Variants in CDH13 observed in about 807,000 individuals in gnomAD.
CDH13 encodes the protein cadherin 13.
CDH13 carries 24 observed loss-of-function variants against 63.8 expected under a neutral mutation model. The observed-to-expected ratio is 0.38, with a 90% CI of 0.27 to 0.53. The LOEUF is 0.53. Ranked by LOEUF, CDH13 falls within the 20% of genes least tolerant of loss-of-function variation. The pLI is 0.85. For synonymous variants in CDH13, 503 were observed against 355.3 expected (o/e 1.42, Z -4.67); for missense variants, 1,049 against 903.1 (o/e 1.16, Z -2.07).
chr16:83,402,624 C>G (rs1430338653), intron 6 of CDH13, among the ~76,000 whole-genome samples: 1 of 152,210 alleles, frequency 6.6e-6, no homozygotes, highest in Non-Finnish European at 1.5e-5. Flanking sequence ...ACTCACTGTT[C>G]TCATTGATAA....
intron 10 of CDH13, among the ~76,000 whole-genome samples, chr16:83,730,174 ATTGAAGGAG>A (rs1349977681): frequency 5.9e-5 from 9 of 152,352 alleles, no homozygotes; most frequent in African/African-American, 1.9e-4. Flanking sequence ...TATAGTAAAC[ATTGAAGGAG>A]AAAATATAAT....
At chr16:83,490,009 CCACACACA>C (rs10666213) in intron 7 of CDH13, among the ~76,000 whole-genome samples, 58 of 137,380 alleles carry the variant, frequency 4.2e-4, no homozygotes, top group East Asian at 2.2e-3. Context: ...GCTGCAGAAA[CCACACACA>C]CACACACACA....
At chr16:82,773,803 A>G (rs998942488) in intron 1 of CDH13, among the ~76,000 whole-genome samples, 1 of 136,154 alleles carries the variant, frequency 7.3e-6, no homozygotes, top group African/African-American at 2.6e-5. Context: ...TTTTTTTTTT[A>G]AATGGAGTTT....
chr16:83,646,702 A>ACACAC (rs1403125359), intron 8 of CDH13, among the ~76,000 whole-genome samples: 2 of 58,684 alleles, frequency 3.4e-5, no homozygotes, highest in African/African-American at 1.4e-4. Flanking sequence ...CAAAAAAAAA[A>ACACAC]AAAAAAAAAA....
At chr16:82,855,378 C>T (rs1715196248) in intron 1 of CDH13, among the ~76,000 whole-genome samples, 1 of 152,180 alleles carries the variant, frequency 6.6e-6, no homozygotes, top group Non-Finnish European at 1.5e-5. Flanking sequence ...GGAGAAATTT[C>T]ACCTTCTTTA....
chr16:82,876,801 T>C lies in CDH13; in HGVS notation c.157+18328T>C, dbSNP rs1310048472. Among the ~76,000 whole-genome samples, 3 of 152,352 alleles carry C rather than the reference T, an allele frequency of 2.0e-5. No homozygotes were observed. In the East Asian group the frequency reaches 5.8e-4, roughly 29 times the overall value. The stretch of plus-strand genomic sequence containing the variant: ...GAAGCCCATTCCCTAAACTAGGGAC[T>C]GTAAACAAACAAAAATCAGAAGCAT... On this transcript the variant is annotated intron_variant, in intron 2 of 13. Transcript: ENST00000567109.
At chr16:83,051,185 C>A (rs1159725410) in intron 3 of CDH13, among the ~76,000 whole-genome samples, 3 of 152,206 alleles carry the variant, frequency 2.0e-5, no homozygotes, top group Non-Finnish European at 4.4e-5. Context: ...TACTGAGCCA[C>A]AACGAAATGA....
intron 8 of CDH13, among the ~76,000 whole-genome samples, chr16:83,608,995 A>G (rs187966829): frequency 1.3e-5 from 2 of 152,180 alleles, no homozygotes; most frequent in Admixed American, 6.5e-5. Flanking sequence ...GTTGATAGAA[A>G]TTTTCTCTGT....
chr16:82,856,262 C>G (rs286683), intron 1 of CDH13, among the ~76,000 whole-genome samples: 137,348 of 151,096 alleles, frequency 0.91, 62,935 homozygotes, highest in Non-Finnish European at 0.97. Flanking sequence ...TGTAGTCCCA[C>G]TTACTCGGGA....
chr16:82,805,897 C>T (rs1006329814), intron 1 of CDH13, among the ~76,000 whole-genome samples: 1 of 152,210 alleles, frequency 6.6e-6, no homozygotes, highest in African/African-American at 2.4e-5. Context: ...TGTCTTTTAA[C>T]ATGGTACGCA....
chr16:83,297,209 A>G (rs2151871723), intron 5 of CDH13, among the ~76,000 whole-genome samples: 1 of 152,282 alleles, frequency 6.6e-6, no homozygotes, highest in African/African-American at 2.4e-5. Context: ...TGTATCTGAA[A>G]ATAGCTAGAA....
At chr16:82,807,575 T>TG (rs200466646) in intron 1 of CDH13, among the ~76,000 whole-genome samples, 1 of 33,852 alleles carries the variant, frequency 3.0e-5, no homozygotes, top group African/African-American at 3.2e-5. Context: ...TCTTGATCTC[T>TG]GGGCTAAGGA....
intron 2 of CDH13, among the ~76,000 whole-genome samples, chr16:82,921,590 A>G (rs752271285): frequency 5.3e-5 from 8 of 152,196 alleles, no homozygotes; most frequent in Non-Finnish European, 1.2e-4. Context: ...AGGGCTCAGG[A>G]TCTGACATCT....
chr16:83,210,820 G>C (rs556008712), intron 4 of CDH13, among the ~76,000 whole-genome samples: 1 of 151,852 alleles, frequency 6.6e-6, no homozygotes, highest in Non-Finnish European at 1.5e-5. Context: ...ATGGCAGTGG[G>C]GGATCCTGGA....
chr16:83,346,139 A>G (rs2090835013), intron 6 of CDH13, among the ~76,000 whole-genome samples: 1 of 152,170 alleles, frequency 6.6e-6, no homozygotes, highest in Admixed American at 6.5e-5. Flanking sequence ...TGCGCTCCGT[A>G]AAAATGAAAG....
chr16:82,887,696 C>G lies in CDH13; in HGVS notation c.157+29223C>G, dbSNP rs138565725. The stretch of plus-strand genomic sequence containing the variant: ...ATTAGCTGGGCGTGGTGGTGCACAC[C>G]TGTAGTCCCAGCTACTCTGGAGTCT... On this transcript the variant is annotated intron_variant, in intron 2 of 13. Coordinates refer to ENST00000567109, the MANE Select transcript of CDH13 (RefSeq NM_001257.5). 4.8e-3 allele frequency among the ~76,000 whole-genome samples: 731 copies of G among 152,294 alleles called. 12 individuals carry two copies. The highest frequency in any genetic ancestry group is 3.3e-3 in the Non-Finnish European group (226 of 68,018).
intron 10 of CDH13, among the ~76,000 whole-genome samples, chr16:83,708,298 C>T (rs1907451910): frequency 1.3e-5 from 2 of 152,234 alleles, no homozygotes; most frequent in African/African-American, 2.4e-5. Context: ...TGTGCTTCCA[C>T]ATGTTCTTCA....
intron 6 of CDH13, among the ~76,000 whole-genome samples, chr16:83,395,044 A>G (rs997450675): frequency 2.6e-5 from 4 of 151,482 alleles, no homozygotes; most frequent in African/African-American, 9.7e-5. Flanking sequence ...GGTACTTGGG[A>G]GCCTGAGACA....
intron 6 of CDH13, among the ~76,000 whole-genome samples, chr16:83,373,726 G>A (rs184478796): frequency 5.7e-4 from 87 of 152,306 alleles, no homozygotes; most frequent in African/African-American, 1.8e-3. Context: ...TTGAATCTCC[G>A]CTTTACCTTT....
Sources: gnomAD v4.1 joint callset for allele counts (sites outside exome capture counted in the v4.1 genomes callset) on GRCh38, gnomAD v4.1.1 for gene constraint, MANE v1.5 for transcripts, NCBI Gene and HGNC (gene_info 2026-07-23, HGNC 2026-07-21) for gene names.